The following TESK2 variants were observed in gnomAD, a reference collection of about 807,000 sequenced individuals.
TESK2 encodes dual specificity testis-specific protein kinase 2.
TESK2 carries 39 observed loss-of-function variants against 57.1 expected under a neutral mutation model. The ratio of observed to expected loss-of-function variants is 0.68; its 90% confidence interval spans 0.53 to 0.89. The LOEUF (loss-of-function observed/expected upper bound fraction) is 0.89, where lower values mean the gene tolerates loss of function less well. Ranked by LOEUF, TESK2 falls within the 40% of genes least tolerant of loss-of-function variation. The pLI, the probability that TESK2 is intolerant of heterozygous loss-of-function variation, is 0.00. For missense variants in TESK2, 646 were observed against 732.1 expected (o/e 0.88, Z 1.36); for synonymous variants, 249 against 267.9 (o/e 0.93, Z 0.69).
In TESK2 at chr1:45,457,791, A is replaced by G; in HGVS notation, c.-6T>C. On this transcript the variant is annotated 5_prime_UTR_variant, in exon 2 of 11. Transcript: ENST00000372086. ...TTCCGTTTGCTCCGATCCATAGTCT[A>G]AATAATCACTTTTTTCTTCTTTTAA... 1 of 1,610,970 alleles carries G rather than the reference A, an allele frequency of 6.2e-7. No individual in the cohort carries two copies. Among genetic ancestry groups the G allele is most frequent in the Non-Finnish European group, 8.5e-7 (1 of 1,177,386 alleles).
chr1:45,390,956 C>A (rs1422211452), intron 3 of TESK2, among the ~76,000 whole-genome samples: 2 of 139,638 alleles, frequency 1.4e-5, no homozygotes, highest in African/African-American at 2.7e-5. Context: ...TCTCACTCTG[C>A]GCCCAGGCTG....
At chr1:45,358,663 G>A (rs566406539) in intron 4 of TESK2, among the ~76,000 whole-genome samples, 8 of 151,262 alleles carry the variant, frequency 5.3e-5, no homozygotes, top group Admixed American at 6.6e-5. Context: ...GTCAGACAAC[G>A]TGCAGACATT....
At chr1:45,371,661 G>C (rs1016785775) in intron 4 of TESK2, among the ~76,000 whole-genome samples, 4 of 151,830 alleles carry the variant, frequency 2.6e-5, no homozygotes, top group Non-Finnish European at 5.9e-5. Context: ...TCAGGAGTTC[G>C]AGACCAGCCT....
chr1:45,396,600 T>G (rs1016216719), intron 3 of TESK2, among the ~76,000 whole-genome samples: 3 of 151,584 alleles, frequency 2.0e-5, no homozygotes, highest in Non-Finnish European at 4.4e-5. Flanking sequence ...GCAATTCTCC[T>G]GCCTCAGCCT....
At chr1:45,350,851 AATT>A (rs567206137) in intron 5 of TESK2, among the ~76,000 whole-genome samples, 87 of 152,324 alleles carry the variant, frequency 5.7e-4, no homozygotes, top group Non-Finnish European at 1.1e-3. Context: ...TGATGGTTTT[AATT>A]ATAAAAATTA....
rs1647151981 is a variant in TESK2, at chr1:45,346,984, T to G, written c.787A>C (p.Thr263Pro). The G allele has an allele frequency of 6.2e-7, 1 of 1,614,010 alleles. No homozygotes were observed. The highest frequency in any genetic ancestry group is 8.5e-7 in the Non-Finnish European group (1 of 1,180,010). Residue 263 changes from threonine (T) to proline (P), a missense_variant, in exon 8 of 11, where the codon ACA becomes CCA. Thr to Pro is a conservative substitution (Grantham distance 38). Transcript: ENST00000372086. ...TCCCCATGCTTGCAGCTCACCTCTG[T>G]GCGGGGAAGATAGTCCGGATCGGCC... is the stretch of plus-strand genomic sequence containing the variant. The part of the protein sequence containing the change: ...IQADPDYLPR[T>P]ENFGLDYDAF...
rs550699960 is a variant in TESK2, at chr1:45,358,300, G to A, written c.394-2851C>T. On this transcript the variant is annotated intron_variant, in intron 4 of 10. Transcript: ENST00000372086. ...TGCACTCCAGCCTGGGCAACAGAGC[G>A]AGACTCCATCTCAAAAAAAAAAAAA... Among the ~76,000 whole-genome samples, 180 of 150,868 alleles carry A rather than the reference G, an allele frequency of 1.2e-3. 1 individual carries two copies. Among genetic ancestry groups the A allele is most frequent in the African/African-American group, 4.3e-3 (175 of 41,074 alleles).
rs578251664 is a variant in TESK2 at position 45,451,144 on chromosome 1, G to A, written c.222+6420C>T. ...ATGGACAAACACTGCCTTACAGCTGGACTTTAGTGTTGGGAGCTGTTAATT... is the reference window on the plus strand; with the variant it reads ...ATGGACAAACACTGCCTTACAGCTGAACTTTAGTGTTGGGAGCTGTTAATT... On this transcript the variant is annotated intron_variant, in intron 2 of 10. Coordinates refer to ENST00000372086, the MANE Select transcript of TESK2 (RefSeq NM_007170.3). Among the ~76,000 whole-genome samples, 3 of 152,302 alleles carry A rather than the reference G, an allele frequency of 2.0e-5. No homozygotes were observed. The South Asian group carries it at 6.2e-4, about 32-fold the overall frequency.
At chr1:45,392,377 T>C (rs1445815138) in intron 3 of TESK2, among the ~76,000 whole-genome samples, 3 of 151,898 alleles carry the variant, frequency 2.0e-5, no homozygotes, top group African/African-American at 7.2e-5. Context: ...AGTGCTGGGA[T>C]TACAGGCATA....
intron 2 of TESK2, among the ~76,000 whole-genome samples, chr1:45,427,548 T>C (rs1650750110): frequency 6.6e-6 from 1 of 152,224 alleles, no homozygotes; most frequent in African/African-American, 2.4e-5. Flanking sequence ...GAAAATGTGG[T>C]ACATACACAC....
chr1:45,348,048 G>T, intron 5 of TESK2, 48 bp from the exon 6 acceptor site: 1 of 1,308,016 alleles, frequency 7.6e-7, no homozygotes, highest in South Asian at 1.2e-5. Flanking sequence ...CAGAAGCGGG[G>T]ATCAGCCATA....
chr1:45,431,402 A>C (rs1557570965), intron 2 of TESK2, among the ~76,000 whole-genome samples: 2 of 151,928 alleles, frequency 1.3e-5, no homozygotes, highest in Admixed American at 1.3e-4. Context: ...TGGGCAATAG[A>C]GCGAGAACCT....
chr1:45,425,162 C>A (rs548109861), intron 2 of TESK2, among the ~76,000 whole-genome samples: 13 of 152,064 alleles, frequency 8.5e-5, no homozygotes, highest in Non-Finnish European at 1.6e-4. Flanking sequence ...TTGGAAAAAC[C>A]TAAGACTACA....
chr1:45,374,425 C>G (rs1648324385), intron 4 of TESK2, among the ~76,000 whole-genome samples: 1 of 152,070 alleles, frequency 6.6e-6, no homozygotes, highest in Admixed American at 6.6e-5. Flanking sequence ...TAATCTCTTT[C>G]TGAGCCTCAG....
At chr1:45,345,834 C>T (rs760035503) in intron 10 of TESK2, 43 bp downstream of exon 10, 4 of 1,522,208 alleles carry the variant, frequency 2.6e-6, no homozygotes, top group South Asian at 2.3e-5. Context: ...ATCCGAATTT[C>T]CTCCCTTAGG....
Position 45,345,525 on chromosome 1 carries a change from A to G in TESK2, c.1031T>C (p.Leu344Pro), listed in dbSNP as rs1319621583. ...GGGGATCTTGTCATCCAGTGAGCTTAGTCGCTTCACCCCAGGTGCTTTCTC... is the reference window on the plus strand; with the variant it reads ...GGGGATCTTGTCATCCAGTGAGCTTGGTCGCTTCACCCCAGGTGCTTTCTC... Reference protein sequence around the residue: ...LLEKAPGVKRLSSLDDKIPHK... With the variant: ...LLEKAPGVKRPSSLDDKIPHK... Residue 344 changes from leucine to proline, a missense_variant, in exon 11 of 11, where the codon CTA (leucine) becomes CCA (proline). Leu to Pro is a moderately conservative substitution (Grantham distance 98, BLOSUM62 -3). Transcript: ENST00000372086. 1.9e-6 allele frequency: 3 copies of G among 1,613,992 alleles called. No homozygotes were observed. Among genetic ancestry groups the G allele is most frequent in the African/African-American group, 1.3e-5 (1 of 74,898 alleles).
At chr1:45,427,207 C>T (rs1650731378) in intron 2 of TESK2, among the ~76,000 whole-genome samples, 1 of 143,166 alleles carries the variant, frequency 7.0e-6, no homozygotes, top group Admixed American at 7.2e-5. Flanking sequence ...CACGCCACTG[C>T]ACTTCAGCCT....
At chr1:45,436,178 C>CTTTTTTTTTTTTTTTTTTTTTT (rs1557573084) in intron 2 of TESK2, among the ~76,000 whole-genome samples, 1 of 12,970 alleles carries the variant, frequency 7.7e-5, no homozygotes, top group African/African-American at 1.8e-4. Flanking sequence ...ACATTGGTAT[C>CTTTTTTTTTTTTTTTTTTTTTT]TTCTTTTTTT....
chr1:45,403,234 A>G (rs763641662), intron 3 of TESK2, among the ~76,000 whole-genome samples: 193 of 69,826 alleles, frequency 2.8e-3, no homozygotes, highest in African/African-American at 0.013. Flanking sequence ...CCGTGATGGG[A>G]AAAAAAAAAA....
Sources: allele counts gnomAD v4.1 joint callset (sites outside exome capture counted in the v4.1 genomes callset), GRCh38; gene constraint gnomAD v4.1.1; transcripts MANE v1.5; gene names NCBI Gene and HGNC (gene_info 2026-07-23, HGNC 2026-07-21).